Variants in PTK7 observed in about 807,000 individuals in gnomAD.
PTK7 encodes the protein protein tyrosine kinase 7 (inactive).
A neutral mutation model predicts 116.6 loss-of-function variants in PTK7; 39 were observed. That is an observed-to-expected ratio of 0.33 (90% confidence interval 0.26 to 0.44). The LOEUF is 0.44. Among genes scored for constraint, PTK7 ranks in the 20% least tolerant of loss-of-function variants. The probability of loss-of-function intolerance (pLI) is 1.00; values close to 1 mark genes in which losing one functional copy is unlikely to be tolerated. For missense variants in PTK7, 1,169 were observed against 1,425.6 expected, an observed-to-expected ratio of 0.82 and a Z score of 2.90; for synonymous variants, 546 against 563.6, an observed-to-expected ratio of 0.97 and a Z score of 0.44.
intron 1 of PTK7, among the ~76,000 whole-genome samples, chr6:43,084,090 A>G (rs1367177506): frequency 1.3e-5 from 2 of 152,172 alleles, no homozygotes; most frequent in Non-Finnish European, 2.9e-5. Flanking sequence ...TAGCTGATCC[A>G]GTTACATAGG....
chr6:43,089,280 T>A (rs947357397), intron 1 of PTK7, among the ~76,000 whole-genome samples: 3 of 152,166 alleles, frequency 2.0e-5, no homozygotes, highest in African/African-American at 7.2e-5. Flanking sequence ...GACTCCAGTG[T>A]GGGAACCTAT....
chr6:43,133,199 A>G (rs753674030), intron 7 of PTK7: 12 of 192,062 alleles, frequency 6.2e-5, no homozygotes, highest in Non-Finnish European at 1.3e-4. Flanking sequence ...ATGCTTTCCA[A>G]ATTTCTTTAC....
At chr6:43,144,135 G>A (rs1053370926) in intron 14 of PTK7, among the ~76,000 whole-genome samples, 3 of 152,172 alleles carry the variant, frequency 2.0e-5, no homozygotes, top group African/African-American at 7.2e-5. Context: ...CCAATAGGAG[G>A]CCCCATGAAA....
At position 43,129,824 on chromosome 6, in the gene PTK7, C is replaced by A; in HGVS notation, c.465C>A (p.His155Gln). ...QVTLRCHIDG[H>Q]PRPTYQWFRD... ...CACTTCGTTGCCACATTGATGGGCA[C>A]CCTCGGTAAGGAGTCAGGGAGGTGG... The change falls in exon 3 of 20, where the codon CAC (histidine) becomes CAA (glutamine). Residue 155 changes from histidine to glutamine, a missense_variant. Transcript: ENST00000230419. The surrounding 1 kb of genome is among the most constrained non-coding windows in gnomAD (Gnocchi z 4.5). The A allele has an allele frequency of 9.3e-6, 15 of 1,613,610 alleles. No homozygotes were observed. The highest frequency in any genetic ancestry group is 1.2e-5 in the Non-Finnish European group (14 of 1,179,530).
In PTK7 at chr6:43,129,803, T is replaced by A; in HGVS notation, c.444T>A (p.Leu148=). The change falls in exon 3 of 20, where the codon CTT becomes CTA. Residue 148 remains leucine, a synonymous_variant. Coordinates refer to ENST00000230419, the MANE Select transcript of PTK7 (RefSeq NM_002821.5). This position sits in a 1 kb window ranked among gnomAD's most constrained non-coding sequence, Gnocchi z 4.5. Reference sequence around the variant, plus strand: ...TCCAGCCACAGACCCAGGTCACACTTCGTTGCCACATTGATGGGCACCCTC... The same window carrying A: ...TCCAGCCACAGACCCAGGTCACACTACGTTGCCACATTGATGGGCACCCTC... ...AEIQPQTQVT[L]RCHIDGHPRP... The A allele has an allele frequency of 6.2e-7, 1 of 1,614,170 alleles. No homozygotes were observed. The highest frequency in any genetic ancestry group is 1.7e-5 in the Admixed American group (1 of 60,022).
At chr6:43,157,356 A>AT (rs1717817800) in intron 17 of PTK7, among the ~76,000 whole-genome samples, 5 of 3,194 alleles carry the variant, frequency 1.6e-3, no homozygotes, top group East Asian at 0.013. Context: ...ATATATATAT[A>AT]TATATATATT....
intron 19 of PTK7, among the ~76,000 whole-genome samples, chr6:43,160,308 G>T (rs958369562): frequency 2.6e-5 from 4 of 152,122 alleles, no homozygotes; most frequent in East Asian, 1.9e-4. Flanking sequence ...GTAGAGATGG[G>T]GGGGCTTCAC....
At chr6:43,157,373 T>TATATATATATATATAGA (rs1771556399) in intron 17 of PTK7, among the ~76,000 whole-genome samples, 1 of 87,014 alleles carries the variant, frequency 1.1e-5, no homozygotes. Flanking sequence ...TATTTTTTTT[T>TATATATATATATATAGA]TTCTTTTTTT....
At chr6:43,157,364 A>ATATATATATATTTTTTTTT (rs70990168) in intron 17 of PTK7, among the ~76,000 whole-genome samples, 1 of 54,364 alleles carries the variant, frequency 1.8e-5, no homozygotes, top group Non-Finnish European at 3.3e-5. Context: ...ATATATATAT[A>ATATATATATATTTTTTTTT]TTTTTTTTTT....
intron 1 of PTK7, among the ~76,000 whole-genome samples, chr6:43,101,071 A>G (rs1767546688): frequency 6.6e-6 from 1 of 151,898 alleles, no homozygotes; most frequent in South Asian, 2.1e-4. Flanking sequence ...CGTCTCTACT[A>G]AAAATACAAA....
chr6:43,099,483 A>G (rs1767446444), intron 1 of PTK7, among the ~76,000 whole-genome samples: 1 of 151,652 alleles, frequency 6.6e-6, no homozygotes, highest in South Asian at 2.1e-4. Context: ...AGTCTGCCCA[A>G]AGTGATGGGA....
chr6:43,147,221 A>T (rs3793012), intron 17 of PTK7, among the ~76,000 whole-genome samples: 1 of 152,154 alleles, frequency 6.6e-6, no homozygotes, highest in South Asian at 2.1e-4. Context: ...CCAGCCTTTC[A>T]TTCCAGTTTT....
At chr6:43,140,416 G>A (rs866327930) in intron 10 of PTK7, among the ~76,000 whole-genome samples, 7 of 147,304 alleles carry the variant, frequency 4.8e-5, no homozygotes, top group South Asian at 4.2e-4. Context: ...TTGTGCCACT[G>A]CACTTCAGCC....
At chr6:43,138,174 G>C (rs1308972534) in intron 7 of PTK7, among the ~76,000 whole-genome samples, 2 of 86,072 alleles carry the variant, frequency 2.3e-5, no homozygotes, top group Admixed American at 2.5e-4. Flanking sequence ...ATACCTTGGG[G>C]GGTTTGTTTT....
intron 1 of PTK7, among the ~76,000 whole-genome samples, chr6:43,123,946 G>A (rs1267619296): frequency 6.6e-6 from 1 of 152,214 alleles, no homozygotes; most frequent in Non-Finnish European, 1.5e-5. Context: ...GGGTGCAGAG[G>A]CCACACTAAG....
chr6:43,159,102 A>G, intron 18 of PTK7, 134 bp downstream of exon 18: 9 of 1,166,192 alleles, frequency 7.7e-6, no homozygotes, highest in Non-Finnish European at 1.1e-5. Context: ...TGGGATAGGG[A>G]AGAGCTTTCT....
chr6:43,087,454 T>G (rs1766719787), intron 1 of PTK7, among the ~76,000 whole-genome samples: 1 of 152,144 alleles, frequency 6.6e-6, no homozygotes, highest in Admixed American at 6.5e-5. Context: ...CATTCCTGAT[T>G]TAGAGGAATT....
rs1561990693 is a variant in PTK7, at chr6:43,157,371, TTTTTC to T, written c.2722-1441_2722-1437del. Among the ~76,000 whole-genome samples, 198 of 85,736 alleles carry T rather than the reference TTTTTC, an allele frequency of 2.3e-3. 8 individuals carry two copies. The highest frequency in any genetic ancestry group is 9.0e-3 in the African/African-American group (165 of 18,326). The allele number at this position is 85,736 out of a possible 152,430, so 56.2% of individuals were successfully genotyped here. On this transcript the variant is annotated intron_variant, in intron 17 of 19. Transcript: ENST00000230419. ...ATATATATATATATATATATTTTTT[TTTTTC>T]TTTTTTTTTTTTTTTTTTTAATAGA... is the stretch of plus-strand genomic sequence containing the variant.
At chr6:43,117,906 A>AG in intron 1 of PTK7, among the ~76,000 whole-genome samples, 1 of 151,694 alleles carries the variant, frequency 6.6e-6, no homozygotes, top group Non-Finnish European at 1.5e-5. Context: ...ATTGCACTCC[A>AG]GCCTGGGCAA....
Sources: allele counts gnomAD v4.1 joint callset (sites outside exome capture counted in the v4.1 genomes callset), GRCh38; gene constraint gnomAD v4.1.1; non-coding constraint Gnocchi (gnomAD v3.1); transcripts MANE v1.5; gene names NCBI Gene and HGNC (gene_info 2026-07-23, HGNC 2026-07-21).